The following TRIOBP variants were observed in gnomAD, a reference collection of about 807,000 sequenced individuals.
TRIOBP encodes the protein TRIO and F-actin-binding protein.
In TRIOBP, 169 loss-of-function variants were observed where a neutral mutation model predicts 238.8. The ratio of observed to expected loss-of-function variants is 0.71; its 90% CI spans 0.62 to 0.80. TRIOBP has a LOEUF of 0.80. TRIOBP is among the 30% of genes least tolerant of loss of function. The pLI, the probability that TRIOBP is intolerant of heterozygous loss-of-function variation, is 0.00. For missense variants in TRIOBP, 2,838 were observed against 3,122.6 expected, an observed-to-expected ratio of 0.91 and a Z score of 2.17; for synonymous variants, 1,150 against 1,274.4, an observed-to-expected ratio of 0.90 and a Z score of 2.08.
intron 11 of TRIOBP, chr22:37,750,599 GGTTCTCGGCCGTGAGCAGAGC>G (rs1925532509): frequency 2.1e-6 from 1 of 469,986 alleles, no homozygotes; most frequent in Non-Finnish European, 4.4e-6. Context: ...CAGCCCCAGG[GGTTCTCGGCCGTGAGCAGAGC>G]CTGTGTCTCT....
chr22:37,759,177 G>T lies in TRIOBP; in HGVS notation c.6237G>T (p.Leu2079=). The stretch of plus-strand genomic sequence containing the variant: ...AGGTTCAGGCTCTTCGGGCCCAGCT[G>T]GAGGCGTGGCGTCTCCAAGGGGAGG... ...EKEVQALRAQ[L]EAWRLQGEAP... Residue 2079 remains leucine (L), a synonymous_variant, in exon 17 of 24, where the codon CTG becomes CTT. Transcript: ENST00000644935. 1 of 1,612,844 alleles carries T rather than the reference G, an allele frequency of 6.2e-7. No individual in the cohort carries two copies. The highest frequency in any genetic ancestry group is 8.5e-7 in the Non-Finnish European group (1 of 1,179,918).
chr22:37,751,772 C>T lies in TRIOBP; in HGVS notation c.5323C>T (p.Pro1775Ser), dbSNP rs1296837147. 1 of 1,614,024 alleles carries T rather than the reference C, an allele frequency of 6.2e-7. No homozygotes were observed. Among genetic ancestry groups the T allele is most frequent in the Non-Finnish European group, 8.5e-7 (1 of 1,180,026 alleles). Residue 1775 changes from proline (P) to serine (S), a missense_variant and splice_region_variant, in exon 12 of 24, where the codon CCC becomes TCC. This residue lies in a region of TRIOBP where 2,096 missense variants were observed against 2,137.4 expected (regional missense o/e 0.98). Coordinates refer to ENST00000644935, the MANE Select transcript of TRIOBP (RefSeq NM_001039141.3). ...CACCTCCCTCCTCATCTCCCCACAGCCCGATCTGCTCAACTTCAAGAAGGG... is the reference window on the plus strand; with the variant it reads ...CACCTCCCTCCTCATCTCCCCACAGTCCGATCTGCTCAACTTCAAGAAGGG... ...LSLGVLRWRRPDLLNFKKGWM... is the reference protein window; with the variant it reads ...LSLGVLRWRRSDLLNFKKGWM...
At chr22:37,763,765 T>G (rs1342377123) in intron 17 of TRIOBP, among the ~76,000 whole-genome samples, 2 of 152,234 alleles carry the variant, frequency 1.3e-5, no homozygotes, top group Non-Finnish European at 2.9e-5. Context: ...TGGTGGCAGC[T>G]GTAACCTGTA....
At position 37,726,093 on chromosome 22, in the gene TRIOBP, C is replaced by G. The variant is rs772539880; in HGVS notation, c.3537C>G (p.Arg1179=). ...RDAPSFSSPP[R]QAPEPSLFFQ... is the part of the protein sequence containing the mutation. Reference sequence around the variant, plus strand: ...CACCCTCCTTCTCATCCCCACCACGCCAGGCTCCTGAGCCATCCCTCTTCT... The same window carrying G: ...CACCCTCCTTCTCATCCCCACCACGGCAGGCTCCTGAGCCATCCCTCTTCT... Residue 1179 remains arginine (R), a synonymous_variant, in exon 7 of 24, where the codon CGC becomes CGG. Coordinates refer to ENST00000644935, the MANE Select transcript of TRIOBP (RefSeq NM_001039141.3). 6.4e-7 allele frequency: 1 copy of G among 1,556,136 alleles called. No homozygotes were observed.
Position 37,769,114 on chromosome 22 carries a change from GGCAGGCTGAGGAGC to G in TRIOBP, c.6665_6678del (p.Gln2222ArgfsTer110). 1 of 1,613,296 alleles carries G rather than the reference GGCAGGCTGAGGAGC, an allele frequency of 6.2e-7. No homozygotes were observed. Among genetic ancestry groups the G allele is most frequent in the Non-Finnish European group, 8.5e-7 (1 of 1,180,008 alleles). On this transcript the variant is annotated frameshift_variant, in exon 20 of 24. Coordinates refer to ENST00000644935, the MANE Select transcript of TRIOBP (RefSeq NM_001039141.3). LOFTEE classifies it high-confidence loss of function. ...TGCCTGGAGATTGGGGCACTCATGC[GGCAGGCTGAGGAGC>G]GCGAGCACACGCTGCGCCGCTGCCA... is the stretch of plus-strand genomic sequence containing the variant.
At chr22:37,737,046 C>T (rs1924705887) in intron 9 of TRIOBP, among the ~76,000 whole-genome samples, 1 of 152,180 alleles carries the variant, frequency 6.6e-6, no homozygotes, top group Admixed American at 6.5e-5. Context: ...CAACTCAATG[C>T]GTGGACATCA....
At position 37,768,075 on chromosome 22, in the gene TRIOBP, C is replaced by T. The variant is rs1926589471; in HGVS notation, c.6474C>T (p.Ala2158=). 4 of 1,611,124 alleles carry T rather than the reference C, an allele frequency of 2.5e-6. No individual in the cohort carries two copies. The highest frequency in any genetic ancestry group is 3.4e-6 in the Non-Finnish European group (4 of 1,178,674). The change falls in exon 19 of 24, where the codon GCC becomes GCT. Residue 2158 remains alanine, a splice_region_variant and synonymous_variant. Coordinates refer to ENST00000644935, the MANE Select transcript of TRIOBP (RefSeq NM_001039141.3). The part of the protein sequence containing the change: ...LAEETAATAS[A]IEAMKKAYQE... ...TGTGCCTCTCTGCCCTGCTTCCAGCCATTGAAGCCATGAAGAAGGCCTACC... is the reference window on the plus strand; with the variant it reads ...TGTGCCTCTCTGCCCTGCTTCCAGCTATTGAAGCCATGAAGAAGGCCTACC...
intron 2 of TRIOBP, among the ~76,000 whole-genome samples, chr22:37,698,914 G>A (rs556774846): frequency 7.9e-5 from 12 of 152,182 alleles, no homozygotes; most frequent in African/African-American, 2.2e-4. Flanking sequence ...TTGGGAGGCC[G>A]AAGGGGGCGG....
chr22:37,767,180 G>A (rs931200172), intron 18 of TRIOBP, among the ~76,000 whole-genome samples: 1 of 151,988 alleles, frequency 6.6e-6, no homozygotes, highest in Non-Finnish European at 1.5e-5. Flanking sequence ...GAAAGTGGGC[G>A]GCAAAGGTTG....
intron 11 of TRIOBP, chr22:37,746,503 G>A: frequency 8.3e-7 from 1 of 1,199,648 alleles, no homozygotes; most frequent in Non-Finnish European, 1.1e-6. Flanking sequence ...TCCCCTCCGG[G>A]GCAGCCCCCT....
chr22:37,755,715 A>T, intron 15 of TRIOBP, 56 bp downstream of exon 15: 1 of 1,520,268 alleles, frequency 6.6e-7, no homozygotes, highest in Non-Finnish European at 9.1e-7. Flanking sequence ...TGCGTCCCCG[A>T]GTGGGTTTCT....
chr22:37,763,667 C>T (rs1374342026), intron 17 of TRIOBP, among the ~76,000 whole-genome samples: 5 of 152,084 alleles, frequency 3.3e-5, no homozygotes, highest in Admixed American at 2.0e-4. Flanking sequence ...AATTGAAAGG[C>T]TGGAAATCAA....
At chr22:37,700,272 T>G (rs1922577045) in intron 2 of TRIOBP, among the ~76,000 whole-genome samples, 1 of 150,770 alleles carries the variant, frequency 6.6e-6, no homozygotes, top group Admixed American at 6.6e-5. Flanking sequence ...CTAGATTTTT[T>G]TTTTTTTTTT....
At chr22:37,705,114 C>T (rs186134868) in intron 3 of TRIOBP, among the ~76,000 whole-genome samples, 76 of 151,882 alleles carry the variant, frequency 5.0e-4, no homozygotes, top group Admixed American at 5.3e-4. Flanking sequence ...GTGGTTCATG[C>T]CTGTAATCTC....
At chr22:37,755,747 A>C (rs1049456292) in intron 15 of TRIOBP, 88 bp downstream of exon 15, 1 of 1,097,608 alleles carries the variant, frequency 9.1e-7, no homozygotes, top group African/African-American at 1.5e-5. Context: ...TGAGGGCTGC[A>C]CCTTTCTGGG....
At chr22:37,761,794 G>A (rs1926256699) in intron 17 of TRIOBP, among the ~76,000 whole-genome samples, 2 of 151,818 alleles carry the variant, frequency 1.3e-5, no homozygotes, top group Non-Finnish European at 2.9e-5. Flanking sequence ...GGGGTGGGAC[G>A]CAGAGGGTGA....
chr22:37,765,361 A>G (rs962844899), intron 17 of TRIOBP, among the ~76,000 whole-genome samples: 1 of 152,204 alleles, frequency 6.6e-6, no homozygotes, highest in African/African-American at 2.4e-5. Context: ...ACGTGCTGCA[A>G]CCGTAACTGT....
At position 37,747,430 on chromosome 22, in the gene TRIOBP, A is replaced by G. The variant is rs560394840; in HGVS notation, c.5323-4342A>G. ...GGCGGCAGTAGGCCTCTTTCAGGGGAGTGGAGACCCTGCGGAGGAGTGGGT... is the reference window on the plus strand; with the variant it reads ...GGCGGCAGTAGGCCTCTTTCAGGGGGGTGGAGACCCTGCGGAGGAGTGGGT... On this transcript the variant is annotated intron_variant, in intron 11 of 23. Coordinates refer to ENST00000644935, the MANE Select transcript of TRIOBP (RefSeq NM_001039141.3). 4.1e-5 allele frequency among the ~76,000 whole-genome samples: 5 copies of G among 122,564 alleles called. No individual in the cohort carries two copies. The South Asian group carries it at 1.4e-3, about 35-fold the overall frequency. The allele number at this position is 122,564 out of a possible 152,430, so 80.4% of individuals were successfully genotyped here. A position where few individuals can be genotyped will look rare whatever the true frequency, so the allele number is the denominator to read the frequency against.
In TRIOBP at chr22:37,713,197, TCTC is replaced by T; in HGVS notation, c.255-9_255-7del. On this transcript the variant is annotated splice_polypyrimidine_tract_variant and intron_variant, in intron 4 of 23. Coordinates refer to ENST00000644935, the MANE Select transcript of TRIOBP (RefSeq NM_001039141.3). Reference sequence around the variant, plus strand: ...AACTCCCCATTACTTTTTGGGTCTGTCTCCTCTCCCAGGGGCCCATCCCCCTCA... The same window carrying T: ...AACTCCCCATTACTTTTTGGGTCTGTCTCTCCCAGGGGCCCATCCCCCTCA... The T allele has an allele frequency of 6.2e-7, 1 of 1,610,536 alleles. No homozygotes were observed. Among genetic ancestry groups the T allele is most frequent in the Non-Finnish European group, 8.5e-7 (1 of 1,178,620 alleles).
Sources: allele counts gnomAD v4.1 joint callset (sites outside exome capture counted in the v4.1 genomes callset), GRCh38; gene constraint gnomAD v4.1.1; regional missense constraint gnomAD v4.1.1; transcripts MANE v1.5; gene names NCBI Gene and HGNC (gene_info 2026-07-23, HGNC 2026-07-21).